Variants in CWC22 observed in about 807,000 individuals in gnomAD.
CWC22 encodes pre-mRNA-splicing factor CWC22 homolog.
In CWC22, 53 loss-of-function variants were observed where a neutral mutation model predicts 117.2. The ratio of observed to expected loss-of-function variants is 0.45; its 90% CI spans 0.36 to 0.57. CWC22 has a LOEUF of 0.57. Among genes scored for constraint, CWC22 ranks in the 20% least tolerant of loss-of-function variants. CWC22 has a pLI of 0.00. For synonymous variants in CWC22, 360 were observed against 355.6 expected, an observed-to-expected ratio of 1.01 and a Z score of -0.14; for missense variants, 980 against 1,068.8, an observed-to-expected ratio of 0.92 and a Z score of 1.16.
At position 179,970,569 on chromosome 2, in the gene CWC22, A is replaced by C. The variant is rs200274338; in HGVS notation, c.1148-6T>G. ...AGGATCCATCTTGAAAACATCTAAA[A>C]AAAATGTAAAAGTTAATGTTTATTT... On this transcript the variant is annotated splice_polypyrimidine_tract_variant and splice_region_variant and intron_variant, in intron 10 of 19. Coordinates refer to ENST00000410053, the MANE Select transcript of CWC22 (RefSeq NM_020943.3). 1.0e-4 allele frequency: 162 copies of C among 1,550,096 alleles called. No homozygotes were observed. The Middle Eastern group carries it at 1.2e-3, about 11-fold the overall frequency.
In CWC22 at chr2:180,001,280, A is replaced by G. The variant is rs528976072; in HGVS notation, c.-114+5587T>C. ...TAGTTTTACTGTCTCATCCCTACAC[A>G]GCTATTTTGTGATATGTAAGTTCAC... On this transcript the variant is annotated intron_variant, in intron 1 of 19. Transcript: ENST00000410053. Among the ~76,000 whole-genome samples, 11 of 151,416 alleles carry G rather than the reference A, an allele frequency of 7.3e-5. No homozygotes were observed. The South Asian group carries it at 2.1e-3, about 29-fold the overall frequency.
Position 179,964,574 on chromosome 2 carries a change from C to G in CWC22, c.1370G>C (p.Arg457Pro), listed in dbSNP as rs901733982. The G allele has an allele frequency of 6.4e-7, 1 of 1,567,842 alleles. No individual in the cohort carries two copies. Among genetic ancestry groups the G allele is most frequent in the Non-Finnish European group, 8.7e-7 (1 of 1,152,718 alleles). Residue 457 changes from arginine (R) to proline (P), a missense_variant, in exon 13 of 20, where the codon CGT becomes CCT. Arg to Pro is a moderately radical substitution (Grantham distance 103, BLOSUM62 -2). This residue lies in a region of CWC22 where 559 missense variants were observed against 602.3 expected (regional missense o/e 0.93). Coordinates refer to ENST00000410053, the MANE Select transcript of CWC22 (RefSeq NM_020943.3). ...KTEINLVSFRRTIYLAIQSSL... is the reference protein window; with the variant it reads ...KTEINLVSFRPTIYLAIQSSL... ...TGACTGAATAGCAAGATAAATTGTA[C>G]GACGAAATGAGACCAGGTTAATTTC...
intron 2 of CWC22, among the ~76,000 whole-genome samples, chr2:179,990,773 T>C (rs552814559): frequency 1.8e-4 from 27 of 152,298 alleles, no homozygotes; most frequent in Non-Finnish European, 2.6e-4. Context: ...ACCAAAAATA[T>C]TGAAGTTGTG....
In CWC22 at chr2:179,966,115, C is replaced by T. The variant is rs6761912; in HGVS notation, c.1211-133G>A. 6.8e-4 allele frequency: 422 copies of T among 623,554 alleles called. 2 individuals are homozygous for T. The African/African-American group carries it at 6.8e-3, about 10-fold the overall frequency. The allele number at this position is 623,554 out of a possible 1,614,324, so 38.6% of individuals were successfully genotyped here. A position where few individuals can be genotyped will look rare whatever the true frequency, so the allele number is the denominator to read the frequency against. ...GTTTGCTAGCCAACAAAGATAACCA[C>T]CAAGCCTCGTGTTATTGCCTAGGTT... is the stretch of plus-strand genomic sequence containing the variant. On this transcript the variant is annotated intron_variant, in intron 11 of 19. Coordinates refer to ENST00000410053, the MANE Select transcript of CWC22 (RefSeq NM_020943.3).
intron 13 of CWC22, among the ~76,000 whole-genome samples, chr2:179,959,417 G>A (rs969131417): frequency 6.6e-6 from 1 of 152,122 alleles, no homozygotes; most frequent in African/African-American, 2.4e-5. Flanking sequence ...AATAGGCTCA[G>A]GGTTTAGTTT....
chr2:179,948,505 A>C (rs1686365720), intron 19 of CWC22, among the ~76,000 whole-genome samples: 2 of 152,180 alleles, frequency 1.3e-5, no homozygotes, highest in Non-Finnish European at 2.9e-5. Flanking sequence ...TTCACAGAGA[A>C]AAATAGTTTC....
intron 15 of CWC22, among the ~76,000 whole-genome samples, chr2:179,954,629 T>C (rs768008488): frequency 1.3e-5 from 2 of 152,068 alleles, no homozygotes; most frequent in Non-Finnish European, 2.9e-5. Context: ...GATCATGCTT[T>C]AATTGTGCTG....
At chr2:179,962,150 T>G (rs1223846589) in intron 13 of CWC22, among the ~76,000 whole-genome samples, 1 of 152,104 alleles carries the variant, frequency 6.6e-6, no homozygotes, top group East Asian at 1.9e-4. Context: ...CAAAGGCAAT[T>G]GTGTAGTTTA....
intron 8 of CWC22, among the ~76,000 whole-genome samples, chr2:179,971,689 C>T (rs916558069): frequency 6.6e-6 from 1 of 152,110 alleles, no homozygotes; most frequent in African/African-American, 2.4e-5. Context: ...CATTTATAAA[C>T]AATGCCAGGA....
intron 1 of CWC22, among the ~76,000 whole-genome samples, chr2:180,004,267 C>A (rs935677024): frequency 6.6e-6 from 1 of 152,194 alleles, no homozygotes. Flanking sequence ...CAAGTTAAGG[C>A]ATGGGCATCT....
rs541623536 is a variant in CWC22 at position 179,999,479 on chromosome 2, C to G, written c.-113-6025G>C. Among the ~76,000 whole-genome samples the G allele has an allele frequency of 1.2e-4, 18 of 152,156 alleles. No individual in the cohort carries two copies. In the South Asian group the frequency reaches 3.7e-3, roughly 32 times the overall value. ...CTCAGTTTCATCAAGCATTAGAAAGCAAAATATTTAATAACATATATAAGT... is the reference window on the plus strand; with the variant it reads ...CTCAGTTTCATCAAGCATTAGAAAGGAAAATATTTAATAACATATATAAGT... On this transcript the variant is annotated intron_variant, in intron 1 of 19. Transcript: ENST00000410053.
At chr2:179,976,261 T>G (rs1299466461) in intron 6 of CWC22, among the ~76,000 whole-genome samples, 1 of 152,106 alleles carries the variant, frequency 6.6e-6, no homozygotes, top group Non-Finnish European at 1.5e-5. Context: ...GCAAAACAGA[T>G]TAAAGACTTA....
rs182053340 is a variant in CWC22 at position 179,965,074 on chromosome 2, C to G, written c.1316-446G>C. 4.8e-5 allele frequency among the ~76,000 whole-genome samples: 7 copies of G among 147,042 alleles called. No homozygotes were observed. In the East Asian group the frequency reaches 1.4e-3, roughly 30 times the overall value. On this transcript the variant is annotated intron_variant, in intron 12 of 19. Transcript: ENST00000410053. ...AAATACATATATTTGTTAAAATTTT[C>G]TCTTATTTAATGCATGAAAACTTTC...
chr2:180,001,415 A>G, intron 1 of CWC22, among the ~76,000 whole-genome samples: 1 of 150,800 alleles, frequency 6.6e-6, no homozygotes, highest in Non-Finnish European at 1.5e-5. Context: ...AGCCTCCACC[A>G]CCCAGGTTCA....
At chr2:179,975,729 C>T (rs1317458418) in intron 6 of CWC22, among the ~76,000 whole-genome samples, 2 of 152,068 alleles carry the variant, frequency 1.3e-5, no homozygotes, top group Non-Finnish European at 2.9e-5. Flanking sequence ...GATGAAAGAG[C>T]TGTACACTAA....
At position 179,988,642 on chromosome 2, in the gene CWC22, A is replaced by C. The variant is rs1448417043; in HGVS notation, c.30T>G (p.Pro10=). The C allele has an allele frequency of 4.0e-6, 6 of 1,490,036 alleles. No individual in the cohort carries two copies. The highest frequency in any genetic ancestry group is 5.4e-6 in the Non-Finnish European group (6 of 1,105,766). 92.3% of individuals were successfully genotyped at this position (1,490,036 alleles called of 1,614,324 possible). MKSSVAQIK[P]SSGHDRRENL... Reference sequence around the variant, plus strand: ...TTTCCCTTCTGTCATGACCAGAAGAAGGCTTTAAAAGAGGAAAAGGGGAAA... The same window carrying C: ...TTTCCCTTCTGTCATGACCAGAAGACGGCTTTAAAAGAGGAAAAGGGGAAA... Residue 10 remains proline, a splice_region_variant and synonymous_variant, in exon 3 of 20, where the codon CCT becomes CCG. Transcript: ENST00000410053.
rs771808192 is a variant in CWC22 at position 179,982,015 on chromosome 2, TG to T, written c.207-19del. 9.3e-6 allele frequency: 13 copies of T among 1,403,120 alleles called. No individual in the cohort carries two copies. The highest frequency in any genetic ancestry group is 4.3e-5 in the African/African-American group (3 of 69,166). 86.9% of individuals were successfully genotyped at this position (1,403,120 alleles called of 1,614,324 possible). A position where few individuals can be genotyped will look rare whatever the true frequency, so the allele number is the denominator to read the frequency against. ...CCCTGTTTCTGTAATATAAATTTTT[TG>T]AAGAGCAGAAAAGACAATATAAAAC... On this transcript the variant is annotated intron_variant, in intron 4 of 19. Coordinates refer to ENST00000410053, the MANE Select transcript of CWC22 (RefSeq NM_020943.3).
At chr2:179,976,436 T>A (rs1246003894) in intron 6 of CWC22, among the ~76,000 whole-genome samples, 1 of 152,150 alleles carries the variant, frequency 6.6e-6, no homozygotes, top group Non-Finnish European at 1.5e-5. Flanking sequence ...ACTAGAATGC[T>A]TCTGCACAGC....
At chr2:179,973,894 A>C (rs1230912179) in intron 6 of CWC22, 92 bp from the exon 7 acceptor site, 6 of 581,842 alleles carry the variant, frequency 1.0e-5, no homozygotes. Context: ...ATATTTCTCT[A>C]TAAGTAATCA....
Sources: allele counts gnomAD v4.1 joint callset (sites outside exome capture counted in the v4.1 genomes callset), GRCh38; gene constraint gnomAD v4.1.1; regional missense constraint gnomAD v4.1.1; transcripts MANE v1.5; gene names NCBI Gene and HGNC (gene_info 2026-07-23, HGNC 2026-07-21).